The following ACSF3 variants were observed in gnomAD, a reference collection of about 807,000 sequenced individuals.
ACSF3 encodes acyl-CoA synthetase family member 3.
ACSF3 carries 78 observed loss-of-function variants against 53.2 expected under a neutral mutation model. The ratio of observed to expected loss-of-function variants is 1.47; its 90% CI spans 1.22 to 1.77. The LOEUF is 1.77. Ranked by LOEUF, ACSF3 falls within the 40% of genes most tolerant of loss-of-function variation. The pLI, the probability that ACSF3 is intolerant of heterozygous loss-of-function variation, is 0.00. For missense variants in ACSF3, 937 were observed against 771.1 expected, an observed-to-expected ratio of 1.22 and a Z score of -2.55; for synonymous variants, 414 against 333.1, an observed-to-expected ratio of 1.24 and a Z score of -2.65.
At chr16:89,148,971 A>ATTGT (rs1362844308) in intron 10 of ACSF3, 3 of 152,192 alleles carry the variant, frequency 2.0e-5, no homozygotes, top group South Asian at 2.1e-4. Context: ...TCCCCAGAAA[A>ATTGT]TTGTTTGTTT....
chr16:89,118,112 G>A (rs1214645695), intron 6 of ACSF3, among the ~76,000 whole-genome samples: 5 of 134,018 alleles, frequency 3.7e-5, no homozygotes, highest in South Asian at 2.5e-4. Context: ...CAGAGCCCAC[G>A]GCAGATTCCC....
intron 8 of ACSF3, among the ~76,000 whole-genome samples, chr16:89,143,165 C>T (rs1294029925): frequency 6.6e-6 from 1 of 152,206 alleles, no homozygotes; most frequent in Non-Finnish European, 1.5e-5. Flanking sequence ...CCAGCATCAG[C>T]CTGGTGTGTA....
chr16:89,151,098 T>G (rs1914004780), intron 10 of ACSF3: 1 of 1,255,774 alleles, frequency 8.0e-7, no homozygotes, highest in Non-Finnish European at 1.0e-6. Context: ...AAACCTCGCC[T>G]CAGGCATGCG....
chr16:89,148,692 C>T (rs1042014673), intron 10 of ACSF3: 1 of 152,248 alleles, frequency 6.6e-6, no homozygotes, highest in Non-Finnish European at 1.5e-5. Flanking sequence ...GGGCTCCAAC[C>T]CCATCTTTCT....
intron 4 of ACSF3, among the ~76,000 whole-genome samples, chr16:89,105,335 C>T (rs1167958517): frequency 2.0e-5 from 3 of 152,140 alleles, no homozygotes; most frequent in Non-Finnish European, 4.4e-5. Context: ...CTCAGTGACC[C>T]GACCCTCCTT....
intron 10 of ACSF3, chr16:89,151,609 A>ATT: frequency 6.7e-6 from 1 of 148,322 alleles, no homozygotes; most frequent in Non-Finnish European, 1.3e-5. Flanking sequence ...AATTCACCAT[A>ATT]TATTTTTTTT....
In ACSF3 at chr16:89,146,067, G is replaced by T; in HGVS notation, c.1613+18G>T. 5 of 1,466,446 alleles carry T rather than the reference G, an allele frequency of 3.4e-6. No individual in the cohort carries two copies. The South Asian group carries it at 4.6e-5, about 13-fold the overall frequency. 90.8% of individuals were successfully genotyped at this position (1,466,446 alleles called of 1,614,324 possible). On this transcript the variant is annotated intron_variant, in intron 10 of 10. Coordinates refer to ENST00000614302, the MANE Select transcript of ACSF3 (RefSeq NM_001243279.3). ...TGGGCCAGGTAGGGCTGGGTGGGGC[G>T]GGCAGGGAGCACTCATGGGGTCTTG...
At chr16:89,103,429 C>T (rs897182036) in intron 4 of ACSF3, among the ~76,000 whole-genome samples, 9 of 152,228 alleles carry the variant, frequency 5.9e-5, no homozygotes, top group Admixed American at 1.3e-4. Flanking sequence ...GCCGCCTGTG[C>T]CCTTGGCTCC....
chr16:89,145,881 G>A (rs1912841596), intron 9 of ACSF3, 57 bp from the exon 10 acceptor site: 17 of 1,455,964 alleles, frequency 1.2e-5, no homozygotes, highest in East Asian at 2.3e-5. Context: ...GGCACTCTTC[G>A]GCCTGTAAGG....
chr16:89,122,721 T>G (rs72817477), intron 7 of ACSF3: 1,903 of 154,752 alleles, frequency 0.012, 16 homozygotes, highest in Non-Finnish European at 0.016. Context: ...CTGACACTCC[T>G]GCCTCTGAGC....
chr16:89,145,147 C>T (rs1912652343), intron 8 of ACSF3, 120 bp from the exon 9 acceptor site: 1 of 1,609,642 alleles, frequency 6.2e-7, no homozygotes. Flanking sequence ...GTAACCAGAG[C>T]CCCCTTTCCT....
intron 4 of ACSF3, 23 bp from the exon 5 acceptor site, chr16:89,112,069 C>T (rs370925275): frequency 4.9e-5 from 79 of 1,613,894 alleles, no homozygotes; most frequent in African/African-American, 3.3e-4. Flanking sequence ...ATCTTCCTAC[C>T]GAGTGCTTCC....
At chr16:89,098,468 G>A in intron 1 of ACSF3, 123 bp from the exon 2 acceptor site, 2 of 359,436 alleles carry the variant, frequency 5.6e-6, no homozygotes, top group South Asian at 4.1e-5. Flanking sequence ...AGCTTTATTT[G>A]ATAATGTTGT....
At chr16:89,129,871 A>G (rs71395385) in intron 7 of ACSF3, among the ~76,000 whole-genome samples, 8,558 of 152,336 alleles carry the variant, frequency 0.056, 327 homozygotes, top group South Asian at 0.13. Flanking sequence ...AGAAGAATGT[A>G]GAGCCACATC....
rs745439171 is a variant in ACSF3 at position 89,133,233 on chromosome 16, C to T, written c.1337C>T (p.Ala446Val). The T allele has an allele frequency of 1.9e-6, 3 of 1,614,128 alleles. No homozygotes were observed. Among genetic ancestry groups the T allele is most frequent in the South Asian group, 2.2e-5 (2 of 91,084 alleles). Residue 446 changes from alanine (A) to valine (V), a missense_variant, in exon 8 of 11, where the codon GCA (alanine) becomes GTA (valine). Ala to Val is a moderately conservative substitution (Grantham distance 64). Coordinates refer to ENST00000614302, the MANE Select transcript of ACSF3 (RefSeq NM_001243279.3). ...YWNKPEETKS[A>V]FTLDGWFKTG... Reference sequence around the variant, plus strand: ...AATAAACCAGAAGAAACTAAGAGTGCATTCACCCTGGATGGCTGGTTTAAG... The same window carrying T: ...AATAAACCAGAAGAAACTAAGAGTGTATTCACCCTGGATGGCTGGTTTAAG...
At chr16:89,142,848 G>A (rs977560205) in intron 8 of ACSF3, among the ~76,000 whole-genome samples, 2 of 152,258 alleles carry the variant, frequency 1.3e-5, no homozygotes, top group Non-Finnish European at 2.9e-5. Context: ...CGCAGTGGGC[G>A]GAGAGGTTGG....
chr16:89,115,030 C>A, intron 6 of ACSF3: 1 of 237,794 alleles, frequency 4.2e-6, no homozygotes, highest in South Asian at 5.2e-5. Context: ...TTTCATCTGA[C>A]CCAACCATTT....
chr16:89,136,949 G>C lies in ACSF3; in HGVS notation c.1366+3687G>C, dbSNP rs182439227. ...AAGGTCTGTCTCAGGTAACTCCTCT[G>C]ACGGCCACAATGATCTCTGCAGATG... On this transcript the variant is annotated intron_variant, in intron 8 of 10. Coordinates refer to ENST00000614302, the MANE Select transcript of ACSF3 (RefSeq NM_001243279.3). 21 of 1,114,516 alleles carry C rather than the reference G, an allele frequency of 1.9e-5. 1 individual carries two copies. The East Asian group carries it at 1.1e-3, about 60-fold the overall frequency. 69.0% of individuals were successfully genotyped at this position (1,114,516 alleles called of 1,614,324 possible).
intron 7 of ACSF3, among the ~76,000 whole-genome samples, chr16:89,124,424 G>A (rs570086080): frequency 3.8e-4 from 57 of 149,688 alleles, no homozygotes; most frequent in Non-Finnish European, 6.5e-4. Context: ...ACCCGTGCGT[G>A]CACTGTGCGT....
Sources: allele counts gnomAD v4.1 joint callset (sites outside exome capture counted in the v4.1 genomes callset), GRCh38; gene constraint gnomAD v4.1.1; transcripts MANE v1.5; gene names NCBI Gene and HGNC (gene_info 2026-07-23, HGNC 2026-07-21).